The following RNF38 variants were observed in gnomAD, a reference collection of about 807,000 sequenced individuals.
The protein encoded by RNF38 is ring finger protein 38.
RNF38 carries 15 observed loss-of-function variants against 67.2 expected under a neutral mutation model. That is an observed-to-expected ratio of 0.22 (90% CI 0.15 to 0.34). The LOEUF is 0.34. Among genes scored for constraint, RNF38 ranks in the 10% least tolerant of loss-of-function variants. The pLI, the probability that RNF38 is intolerant of heterozygous loss-of-function variation, is 1.00. For synonymous variants in RNF38, 220 were observed against 218.8 expected, an observed-to-expected ratio of 1.01 and a Z score of -0.05; for missense variants, 524 against 639.9, an observed-to-expected ratio of 0.82 and a Z score of 1.95.
chr9:36,446,457 T>TTCTA (rs1201131446), intron 1 of RNF38, among the ~76,000 whole-genome samples: 1 of 152,124 alleles, frequency 6.6e-6, no homozygotes, highest in Non-Finnish European at 1.5e-5. Flanking sequence ...AAACAACTGT[T>TTCTA]TCTTTCTTTC....
At chr9:36,388,017 G>A (rs1362531339) in intron 2 of RNF38, among the ~76,000 whole-genome samples, 1 of 151,980 alleles carries the variant, frequency 6.6e-6, no homozygotes, top group African/African-American at 2.4e-5. Context: ...ACACTAGTAG[G>A]GATGAATTTT....
chr9:36,477,604 G>A (rs1163278064), intron 1 of RNF38, among the ~76,000 whole-genome samples: 4 of 151,420 alleles, frequency 2.6e-5, no homozygotes, highest in African/African-American at 9.7e-5. Context: ...GGCGGATCAC[G>A]AGGTCAGGAG....
chr9:36,359,295 G>A (rs1384019801), intron 4 of RNF38, among the ~76,000 whole-genome samples: 1 of 150,238 alleles, frequency 6.7e-6, no homozygotes, highest in East Asian at 1.9e-4. Context: ...TTTTTTAAAT[G>A]TAGCCAGAGT....
At chr9:36,350,691 AGAG>A (rs1833628021) in intron 9 of RNF38, among the ~76,000 whole-genome samples, 1 of 152,270 alleles carries the variant, frequency 6.6e-6, no homozygotes. Context: ...TAATTCTAAT[AGAG>A]CACCAATCTA....
chr9:36,440,685 C>T (rs1353595974), intron 1 of RNF38, among the ~76,000 whole-genome samples: 2 of 152,288 alleles, frequency 1.3e-5, no homozygotes, highest in East Asian at 3.9e-4. Context: ...ATACAAACTG[C>T]TCACAGTAAT....
chr9:36,455,693 G>A (rs1156404324), intron 1 of RNF38, among the ~76,000 whole-genome samples: 1 of 151,258 alleles, frequency 6.6e-6, no homozygotes, highest in Admixed American at 6.6e-5. Flanking sequence ...GCTTGAATCT[G>A]GGGGGCAGAG....
At chr9:36,398,520 T>C (rs1837723128) in intron 1 of RNF38, among the ~76,000 whole-genome samples, 1 of 152,252 alleles carries the variant, frequency 6.6e-6, no homozygotes, top group Admixed American at 6.5e-5. Flanking sequence ...ATTAATTTAC[T>C]ATATAGAGTT....
At chr9:36,379,654 CA>C (rs1225772213) in intron 2 of RNF38, among the ~76,000 whole-genome samples, 1 of 152,022 alleles carries the variant, frequency 6.6e-6, no homozygotes, top group Non-Finnish European at 1.5e-5. Context: ...AGAAGTAACC[CA>C]GAGAGTACAA....
chr9:36,406,204 T>C (rs1838177838), intron 2 of RNF38, among the ~76,000 whole-genome samples: 1 of 152,134 alleles, frequency 6.6e-6, no homozygotes, highest in Non-Finnish European at 1.5e-5. Flanking sequence ...AAGAGGACCA[T>C]CTCCTATTTT....
Position 36,352,847 on chromosome 9 carries a change from G to A in RNF38, c.1073C>T (p.Pro358Leu). The change falls in exon 8 of 12, where the codon CCT (proline) becomes CTT (leucine). Residue 358 changes from proline (P) to leucine (L), a missense_variant and splice_region_variant. By Grantham distance (98) the Pro-to-Leu change is moderately conservative. Around this residue, in one of 2 missense-constraint regions of RNF38, gnomAD observed 461 missense variants for 517.4 expected, o/e 0.89. Coordinates refer to ENST00000259605, the MANE Select transcript of RNF38 (RefSeq NM_022781.5). The stretch of plus-strand genomic sequence containing the variant: ...CCTCCGAGGCATAAATGGAGGATAA[G>A]GCTGCAAGGGGAAAAATGTTAAGAT... ...PLHQEVSFGV[P>L]YPPFMPRRLT... is the part of the protein sequence containing the mutation. 1 of 1,603,362 alleles carries A rather than the reference G, an allele frequency of 6.2e-7. No individual in the cohort carries two copies. The highest frequency in any genetic ancestry group is 8.5e-7 in the Non-Finnish European group (1 of 1,170,344).
At chr9:36,414,717 T>G (rs1040759395) in intron 2 of RNF38, among the ~76,000 whole-genome samples, 15 of 150,508 alleles carry the variant, frequency 1.0e-4, no homozygotes, top group African/African-American at 3.4e-4. Context: ...GATTTAGAAC[T>G]CCTTTTAGCA....
intron 9 of RNF38, among the ~76,000 whole-genome samples, chr9:36,350,000 T>C (rs770319354): frequency 6.6e-6 from 1 of 152,078 alleles, no homozygotes; most frequent in Admixed American, 6.6e-5. Context: ...AGTATTTTTA[T>C]AGAAACGGGG....
At chr9:36,352,626 TAAGTA>T (rs1833782781) in intron 8 of RNF38, 111 bp downstream of exon 8, 3 of 808,470 alleles carry the variant, frequency 3.7e-6, no homozygotes, top group African/African-American at 3.4e-5. Flanking sequence ...CCTTTAACAT[TAAGTA>T]AAGACAAATA....
At chr9:36,453,675 G>C (rs1014165309) in intron 1 of RNF38, among the ~76,000 whole-genome samples, 1 of 151,798 alleles carries the variant, frequency 6.6e-6, no homozygotes, top group African/African-American at 2.4e-5. Context: ...GAGCCACTGC[G>C]CCCGCCACTG....
Position 36,369,705 on chromosome 9 carries a change from T to C in RNF38, c.570+14A>G. On this transcript the variant is annotated intron_variant, in intron 4 of 11. Coordinates refer to ENST00000259605, the MANE Select transcript of RNF38 (RefSeq NM_022781.5). ...TTTCAGCTTCTGTATTTCCAAGACA[T>C]TCTGTTATTGTACCTGATCATGTAT... 1 of 1,547,364 alleles carries C rather than the reference T, an allele frequency of 6.5e-7. No homozygotes were observed. The highest frequency in any genetic ancestry group is 1.2e-5 in the South Asian group (1 of 82,660).
intron 2 of RNF38, among the ~76,000 whole-genome samples, chr9:36,386,387 A>T (rs2133971532): frequency 6.6e-6 from 1 of 152,348 alleles, no homozygotes; most frequent in South Asian, 2.1e-4. Flanking sequence ...TAAGTCTACA[A>T]ATTTGCTAGA....
intron 1 of RNF38, among the ~76,000 whole-genome samples, chr9:36,486,885 G>A (rs1840426313): frequency 6.6e-6 from 1 of 152,122 alleles, no homozygotes. Context: ...CCCGAGATCT[G>A]TCTCCCTCGG....
rs549845884 is a variant in RNF38, at chr9:36,353,339, G to A, written c.910-8C>T. 6 of 1,561,392 alleles carry A rather than the reference G, an allele frequency of 3.8e-6. No homozygotes were observed. In the East Asian group the frequency reaches 6.8e-5, roughly 18 times the overall value. ...TTCTATCCTTTGCAGAGGCTGAGGA[G>A]GGGGAAAAAAAAACACATATATGTA... On this transcript the variant is annotated splice_region_variant and splice_polypyrimidine_tract_variant and intron_variant, in intron 6 of 11. Transcript: ENST00000259605.
At chr9:36,484,462 A>G (rs1390580116) in intron 1 of RNF38, among the ~76,000 whole-genome samples, 1 of 152,238 alleles carries the variant, frequency 6.6e-6, no homozygotes, top group Non-Finnish European at 1.5e-5. Context: ...GAAATATTTC[A>G]AACATCTGAA....
Sources: gnomAD v4.1 joint callset for allele counts (sites outside exome capture counted in the v4.1 genomes callset) on GRCh38, gnomAD v4.1.1 for gene constraint, gnomAD v4.1.1 regional missense constraint, MANE v1.5 for transcripts, NCBI Gene and HGNC (gene_info 2026-07-23, HGNC 2026-07-21) for gene names.